ST6GAL2: variants seen among roughly 807,000 people sequenced by gnomAD.
ST6GAL2 encodes the protein ST6 beta-galactoside alpha-2,6-sialyltransferase 2.
A neutral mutation model predicts 37.5 loss-of-function variants in ST6GAL2; 24 were observed. The ratio of observed to expected loss-of-function variants is 0.64; its 90% CI spans 0.46 to 0.90. The LOEUF is 0.90. Among genes scored for constraint, ST6GAL2 ranks in the 40% least tolerant of loss-of-function variants. ST6GAL2 has a pLI of 0.00. For synonymous variants in ST6GAL2, 306 were observed against 295.1 expected (o/e 1.04, Z -0.38); for missense variants, 715 against 712.7 (o/e 1.00, Z -0.04).
At chr2:106,865,513 A>G (rs1677988072) in intron 1 of ST6GAL2, among the ~76,000 whole-genome samples, 1 of 152,242 alleles carries the variant, frequency 6.6e-6, no homozygotes, top group South Asian at 2.1e-4. Flanking sequence ...TGCTTAACAC[A>G]TGAAAACACC....
At chr2:106,884,985 CAT>C (rs1341303317) in intron 1 of ST6GAL2, among the ~76,000 whole-genome samples, 4 of 138,296 alleles carry the variant, frequency 2.9e-5, no homozygotes, top group Non-Finnish European at 3.1e-5. Context: ...ACATATACAT[CAT>C]ATATATATAG....
chr2:106,862,569 A>G (rs1285482842), intron 1 of ST6GAL2, among the ~76,000 whole-genome samples: 2 of 152,228 alleles, frequency 1.3e-5, no homozygotes, highest in African/African-American at 4.8e-5. Context: ...CTCAGAATGT[A>G]AAGTTCAAGT....
intron 1 of ST6GAL2, among the ~76,000 whole-genome samples, chr2:106,846,108 TC>T (rs1677134433): frequency 6.6e-6 from 1 of 152,176 alleles, no homozygotes; most frequent in Non-Finnish European, 1.5e-5. Context: ...ATTCTGGATG[TC>T]CCGTCTGTTG....
chr2:106,870,103 T>TG (rs1176922224), intron 1 of ST6GAL2, among the ~76,000 whole-genome samples: 2 of 151,940 alleles, frequency 1.3e-5, no homozygotes, highest in Non-Finnish European at 2.9e-5. Flanking sequence ...ACCTGGGGGA[T>TG]GGGGGGCGCT....
At chr2:106,876,988 A>G (rs13421793) in intron 1 of ST6GAL2, among the ~76,000 whole-genome samples, 2,619 of 152,200 alleles carry the variant, frequency 0.017, 70 homozygotes, top group African/African-American at 0.061. Context: ...TATTTAGAGG[A>G]AAAAAAAGGT....
chr2:106,878,323 G>A (rs935323542), intron 1 of ST6GAL2, among the ~76,000 whole-genome samples: 2 of 151,806 alleles, frequency 1.3e-5, no homozygotes, highest in Non-Finnish European at 2.9e-5. Context: ...AAGTAACCAG[G>A]TGTGGTGGTG....
chr2:106,813,325 A>T, intron 5 of ST6GAL2: 1 of 711,292 alleles, frequency 1.4e-6, no homozygotes, highest in Non-Finnish European at 2.0e-6. Context: ...TTTAAACATC[A>T]TATAACGCAA....
chr2:106,851,289 G>A lies in ST6GAL2; in HGVS notation c.-57-7255C>T, dbSNP rs539946641. ...AAAGTGCCTCACTGCTGGAAATCAC[G>A]GTGATTGTTCCACTTGCTTAGGAAG... On this transcript the variant is annotated intron_variant, in intron 1 of 5. Coordinates refer to ENST00000409382, the MANE Select transcript of ST6GAL2 (RefSeq NM_001142351.2). Among the ~76,000 whole-genome samples, 88 of 152,228 alleles carry A rather than the reference G, an allele frequency of 5.8e-4. 1 individual carries two copies. In the South Asian group the frequency reaches 0.018, roughly 31 times the overall value.
chr2:106,816,424 T>C (rs1675804148), intron 5 of ST6GAL2, among the ~76,000 whole-genome samples: 1 of 152,184 alleles, frequency 6.6e-6, no homozygotes, highest in African/African-American at 2.4e-5. Context: ...TTTTGAAAAA[T>C]AATTATCAAT....
intron 3 of ST6GAL2, 138 bp downstream of exon 3, chr2:106,833,911 T>C (rs1676526214): frequency 3.7e-6 from 2 of 537,128 alleles, no homozygotes; most frequent in Admixed American, 3.2e-5. Context: ...AATTATAAGA[T>C]TGATAGAAAT....
At chr2:106,812,857 G>A (rs548975615) in intron 5 of ST6GAL2, among the ~76,000 whole-genome samples, 1 of 152,230 alleles carries the variant, frequency 6.6e-6, no homozygotes, top group Admixed American at 6.5e-5. Flanking sequence ...CTAATAACAT[G>A]CAATTCAGTA....
chr2:106,851,244 T>C (rs1677348045), intron 1 of ST6GAL2, among the ~76,000 whole-genome samples: 1 of 152,244 alleles, frequency 6.6e-6, no homozygotes, highest in Admixed American at 6.5e-5. Flanking sequence ...AGGGAACTTC[T>C]ATTTTTAGAG....
chr2:106,813,297 T>C (rs924289477), intron 5 of ST6GAL2: 1 of 1,044,134 alleles, frequency 9.6e-7, no homozygotes, highest in Non-Finnish European at 1.2e-6. Context: ...GAGGCATTCA[T>C]TTGCTGAACT....
intron 1 of ST6GAL2, among the ~76,000 whole-genome samples, chr2:106,850,900 G>A (rs796177776): frequency 4.6e-5 from 7 of 152,220 alleles, no homozygotes; most frequent in African/African-American, 1.2e-4. Context: ...AAATGACATC[G>A]GGGGATATAA....
intron 1 of ST6GAL2, among the ~76,000 whole-genome samples, chr2:106,881,409 A>G (rs547471750): frequency 1.3e-5 from 2 of 152,334 alleles, no homozygotes; most frequent in South Asian, 4.1e-4. Context: ...CCATTTTGTA[A>G]CTGGGTTAGC....
chr2:106,832,831 A>G (rs1036038925), intron 3 of ST6GAL2, among the ~76,000 whole-genome samples, 165 bp from the exon 4 acceptor site: 8 of 152,230 alleles, frequency 5.3e-5, no homozygotes, highest in Non-Finnish European at 8.8e-5. Flanking sequence ...ATGCAGAAGC[A>G]CTTAAAGAAT....
chr2:106,884,938 TACACACACAC>T (rs1553430039), intron 1 of ST6GAL2, among the ~76,000 whole-genome samples: 6 of 123,650 alleles, frequency 4.9e-5, no homozygotes, highest in Admixed American at 7.8e-5. Flanking sequence ...TATATATACA[TACACACACAC>T]ACATATATAC....
In ST6GAL2 at chr2:106,804,886, A is replaced by T. The variant is rs1394078909; in HGVS notation, c.*1792T>A. 1 of 151,894 alleles carries T rather than the reference A, an allele frequency of 6.6e-6. No individual in the cohort carries two copies. Among genetic ancestry groups the T allele is most frequent in the Non-Finnish European group, 1.5e-5 (1 of 67,982 alleles). 9.4% of individuals were successfully genotyped at this position (151,894 alleles called of 1,614,324 possible). A position where few individuals can be genotyped will look rare whatever the true frequency, so the allele number is the denominator to read the frequency against. ...AAAAGAAAAGAAATTAGAAAGGAAC[A>T]TGGCTTAACCATGTCTATTTAGACA... On this transcript the variant is annotated 3_prime_UTR_variant, in exon 6 of 6. Coordinates refer to ENST00000409382, the MANE Select transcript of ST6GAL2 (RefSeq NM_001142351.2).
At chr2:106,847,282 A>C (rs2104534714) in intron 1 of ST6GAL2, among the ~76,000 whole-genome samples, 1 of 152,346 alleles carries the variant, frequency 6.6e-6, no homozygotes, top group South Asian at 2.1e-4. Flanking sequence ...CTGGGCCCAC[A>C]CTTTGAGTAG....
Sources: gnomAD v4.1 joint callset for allele counts (sites outside exome capture counted in the v4.1 genomes callset) on GRCh38, gnomAD v4.1.1 for gene constraint, MANE v1.5 for transcripts, NCBI Gene and HGNC (gene_info 2026-07-23, HGNC 2026-07-21) for gene names.